Variants in ZNF550 observed in about 807,000 individuals in gnomAD.
ZNF550 encodes the protein zinc finger protein 550.
Under a neutral mutation model 40.2 loss-of-function variants are expected in ZNF550, and 42 were observed. That is an observed-to-expected ratio of 1.05 (90% CI 0.82 to 1.35). ZNF550 has a LOEUF of 1.35. ZNF550 is among the 40% of genes most tolerant of loss of function. The probability of loss-of-function intolerance (pLI) is 0.00; values close to 1 mark genes in which losing one functional copy is unlikely to be tolerated. For missense variants in ZNF550, 549 were observed against 525.2 expected (o/e 1.05, Z -0.44); for synonymous variants, 223 against 198.6 (o/e 1.12, Z -1.03).
chr19:57,553,747 C>T (rs547083513), intron 2 of ZNF550: 1 of 152,252 alleles, frequency 6.6e-6, no homozygotes, highest in East Asian at 1.9e-4. Flanking sequence ...TCAAACACCT[C>T]GTGCTTTCAG....
chr19:57,547,182 G>C, exon 4 of ZNF550: 1 of 1,611,430 alleles, frequency 6.2e-7, no homozygotes, highest in African/African-American at 1.3e-5. Flanking sequence ...GTTCTGAGCT[G>C]CATCTGAAGG....
At chr19:57,545,714 T>A (rs367969073) in intron 4 of ZNF550, among the ~76,000 whole-genome samples, 4 of 152,228 alleles carry the variant, frequency 2.6e-5, no homozygotes, top group African/African-American at 9.6e-5. Flanking sequence ...AGACCTCATC[T>A]ATACAAAAAA....
intron 1 of ZNF550, 64 bp from the exon 2 acceptor site, chr19:57,556,421 A>G: frequency 6.4e-7 from 1 of 1,557,174 alleles, no homozygotes; most frequent in Non-Finnish European, 8.7e-7. Context: ...AGAACCTGTC[A>G]CTCAGTCTCT....
chr19:57,545,037 G>GC (rs1444532662), intron 4 of ZNF550, among the ~76,000 whole-genome samples: 1 of 152,104 alleles, frequency 6.6e-6, no homozygotes, highest in Non-Finnish European at 1.5e-5. Context: ...CAGGAGAATC[G>GC]CTTGAACCCG....
chr19:57,552,661 T>C (rs754912315), exon 3 of ZNF550: 2 of 1,598,160 alleles, frequency 1.3e-6, no homozygotes, highest in African/African-American at 1.3e-5. Flanking sequence ...CTCTCTTCAC[T>C]ATCCACAGCT....
Position 57,548,585 on chromosome 19 carries a change from G to A in ZNF550, c.251-592C>T, listed in dbSNP as rs534892348. Among the ~76,000 whole-genome samples the A allele has an allele frequency of 2.0e-3, 308 of 152,250 alleles. 1 individual carries two copies. The highest frequency in any genetic ancestry group is 7.2e-3 in the African/African-American group (298 of 41,548). ...CAAAAGACAGGCAATAACAAATGGT[G>A]GCAAGGATGTGGAAAAAAGGGAACC... On this transcript the variant is annotated intron_variant, in intron 3 of 4. Transcript: ENST00000457177.
exon 4 of ZNF550, chr19:57,547,652 C>T (rs2090032270): frequency 6.2e-7 from 1 of 1,614,080 alleles, no homozygotes; most frequent in African/African-American, 1.3e-5. Flanking sequence ...TTTGTCCCTG[C>T]ATGAATCAAG....
At chr19:57,547,719 C>T (rs764688200) in exon 4 of ZNF550, 7 of 1,614,072 alleles carry the variant, frequency 4.3e-6, no homozygotes, top group South Asian at 3.3e-5. Context: ...CTGATAACCA[C>T]TCTTGTAATG....
chr19:57,546,921 T>TAA (rs2090015390), exon 4 of ZNF550: 12 of 1,540,944 alleles, frequency 7.8e-6, no homozygotes, highest in Non-Finnish European at 1.1e-5. Flanking sequence ...TTATGAATGA[T>TAA]AAAATAACAG....
At chr19:57,558,885 A>C (rs1458460456) in intron 1 of ZNF550, among the ~76,000 whole-genome samples, 1 of 152,212 alleles carries the variant, frequency 6.6e-6, no homozygotes, top group Non-Finnish European at 1.5e-5. Context: ...TCGCCACTGA[A>C]CATTTTAATG....
chr19:57,552,811 A>T, intron 2 of ZNF550, 89 bp from the exon 3 acceptor site: 1 of 936,454 alleles, frequency 1.1e-6, no homozygotes, highest in Non-Finnish European at 1.6e-6. Context: ...GACAGGGTCC[A>T]GACATGAATG....
exon 4 of ZNF550, chr19:57,546,923 A>AAATAACAG: frequency 6.5e-7 from 1 of 1,543,952 alleles, no homozygotes; most frequent in Admixed American, 1.9e-5. Context: ...ATGAATGATA[A>AAATAACAG]AATAACAGTG....
At position 57,549,595 on chromosome 19, in the gene ZNF550, CAG is replaced by C. The variant is rs754549892; in HGVS notation, c.251-1604_251-1603del. Among the ~76,000 whole-genome samples the C allele has an allele frequency of 9.0e-4, 137 of 152,170 alleles. 1 individual carries two copies. The South Asian group carries it at 0.015, about 17-fold the overall frequency. ...ATAAGCTGAGTCCTAAAAGAGAAGCCAGAGTCATTGCCAGAGAGAGGAAGTGG... is the reference window on the plus strand; with the variant it reads ...ATAAGCTGAGTCCTAAAAGAGAAGCCAGTCATTGCCAGAGAGAGGAAGTGG... On this transcript the variant is annotated intron_variant, in intron 3 of 4. Coordinates refer to ENST00000457177, the Ensembl canonical transcript of ZNF550.
intron 3 of ZNF550, among the ~76,000 whole-genome samples, chr19:57,548,890 T>C (rs184843695): frequency 2.0e-5 from 3 of 152,232 alleles, no homozygotes; most frequent in Admixed American, 2.0e-4. Flanking sequence ...GGGGTACTAT[T>C]TGGCCATAAA....
chr19:57,547,640 G>A, exon 4 of ZNF550: 1 of 1,614,130 alleles, frequency 6.2e-7, no homozygotes, highest in Non-Finnish European at 8.5e-7. Context: ...CATTTGTAGG[G>A]GTTTGTCCCT....
At chr19:57,559,633 G>A (rs1433927848) in intron 1 of ZNF550, 23 bp downstream of exon 1, 1 of 1,473,636 alleles carries the variant, frequency 6.8e-7, no homozygotes, top group East Asian at 2.6e-5. Flanking sequence ...GGTGGCCGCG[G>A]GGAGCCGAGC....
rs537444904 is a variant in ZNF550, at chr19:57,544,695, G to A, written c.*519-1452C>T. The A allele has an allele frequency of 8.3e-6, 6 of 721,432 alleles. No individual in the cohort carries two copies. In the South Asian group the frequency reaches 3.1e-4, roughly 38 times the overall value. The allele number at this position is 721,432 out of a possible 1,614,324, so 44.7% of individuals were successfully genotyped here. On this transcript the variant is annotated intron_variant, in intron 4 of 4. Coordinates refer to ENST00000457177, the Ensembl canonical transcript of ZNF550. ...CCACTATGAAAACATGAATATATAT[G>A]CAGTGCTTTAAAAGGTTGTGAGGAA...
exon 4 of ZNF550, chr19:57,546,590 A>T (rs978978178): frequency 3.0e-5 from 30 of 1,005,662 alleles, no homozygotes; most frequent in Non-Finnish European, 3.4e-5. Context: ...TTATGTAGTA[A>T]CTTTTCATTA....
upstream of ZNF550, among the ~76,000 whole-genome samples, chr19:57,560,243 G>A (rs2090158606): frequency 1.3e-5 from 2 of 152,146 alleles, no homozygotes; most frequent in South Asian, 4.1e-4. Context: ...CCTCCACCCT[G>A]ACGCCAGGCA....
Sources: allele counts gnomAD v4.1 joint callset (sites outside exome capture counted in the v4.1 genomes callset), GRCh38; gene constraint gnomAD v4.1.1; transcripts MANE v1.5; gene names NCBI Gene and HGNC (gene_info 2026-07-23, HGNC 2026-07-21).